Variants in DIAPH3 observed in about 807,000 individuals in gnomAD.
The protein encoded by DIAPH3 is protein diaphanous homolog 3.
A neutral mutation model predicts 144.3 loss-of-function variants in DIAPH3; 117 were observed. That is an observed-to-expected ratio of 0.81 (90% CI 0.70 to 0.95). DIAPH3 has a LOEUF of 0.95. Among genes scored for constraint, DIAPH3 ranks in the 40% least tolerant of loss-of-function variants. The pLI, the probability that DIAPH3 is intolerant of heterozygous loss-of-function variation, is 0.00. For missense variants in DIAPH3, 1,421 were observed against 1,412.7 expected (o/e 1.01, Z -0.09); for synonymous variants, 519 against 488.9 (o/e 1.06, Z -0.81).
chr13:59,808,869 T>C (rs2040321681), intron 25 of DIAPH3, among the ~76,000 whole-genome samples: 1 of 152,132 alleles, frequency 6.6e-6, no homozygotes, highest in Admixed American at 6.5e-5. Context: ...TGCAGAAATG[T>C]TTACAGTGAT....
chr13:59,929,183 C>T (rs1035742319), intron 17 of DIAPH3, among the ~76,000 whole-genome samples: 3 of 152,164 alleles, frequency 2.0e-5, no homozygotes, highest in Non-Finnish European at 4.4e-5. Context: ...GCAAACATTC[C>T]AAAATCTAAA....
intron 27 of DIAPH3, among the ~76,000 whole-genome samples, chr13:59,746,752 A>G (rs2036725203): frequency 6.6e-6 from 1 of 152,216 alleles, no homozygotes; most frequent in Non-Finnish European, 1.5e-5. Context: ...AGTTCATAAA[A>G]GTATTTTTTA....
At chr13:60,044,767 C>T (rs1463741677) in intron 4 of DIAPH3, among the ~76,000 whole-genome samples, 1 of 152,014 alleles carries the variant, frequency 6.6e-6, no homozygotes, top group East Asian at 1.9e-4. Context: ...CACCCAAATC[C>T]ATCTTGAATA....
At chr13:60,005,149 C>T (rs978181755) in intron 9 of DIAPH3, among the ~76,000 whole-genome samples, 3 of 152,152 alleles carry the variant, frequency 2.0e-5, no homozygotes, top group Non-Finnish European at 4.4e-5. Flanking sequence ...AAATGTGGTA[C>T]ACTCATGACA....
rs540324682 is a variant in DIAPH3 at position 60,006,319 on chromosome 13, T to C, written c.1014+2225A>G. Among the ~76,000 whole-genome samples, 73 of 152,308 alleles carry C rather than the reference T, an allele frequency of 4.8e-4. 1 individual carries two copies. Among genetic ancestry groups the C allele is most frequent in the African/African-American group, 1.6e-3 (67 of 41,552 alleles). ...TTTGTCTTTAACAAGCCATTATTTATCTCTTCCCTTACAGTTTAAAACCTC... is the reference window on the plus strand; with the variant it reads ...TTTGTCTTTAACAAGCCATTATTTACCTCTTCCCTTACAGTTTAAAACCTC... On this transcript the variant is annotated intron_variant, in intron 9 of 27. Coordinates refer to ENST00000400324, the MANE Select transcript of DIAPH3 (RefSeq NM_001042517.2).
At chr13:59,682,932 T>C (rs2033019505) in intron 27 of DIAPH3, among the ~76,000 whole-genome samples, 1 of 152,220 alleles carries the variant, frequency 6.6e-6, no homozygotes, top group South Asian at 2.1e-4. Flanking sequence ...TCCCATTCTT[T>C]GTGTTAAAAG....
At chr13:59,716,393 T>C (rs537516988) in intron 27 of DIAPH3, among the ~76,000 whole-genome samples, 2 of 152,310 alleles carry the variant, frequency 1.3e-5, no homozygotes, top group South Asian at 4.1e-4. Flanking sequence ...GCCAGGATGG[T>C]CTCGATCTCC....
intron 27 of DIAPH3, among the ~76,000 whole-genome samples, chr13:59,700,240 G>T (rs1184374396): frequency 6.6e-6 from 1 of 152,012 alleles, no homozygotes; most frequent in Non-Finnish European, 1.5e-5. Context: ...ACACCTAATT[G>T]CCCCCTTCCC....
chr13:60,063,357 A>G (rs929034518), intron 4 of DIAPH3, among the ~76,000 whole-genome samples: 2 of 152,140 alleles, frequency 1.3e-5, no homozygotes, highest in African/African-American at 2.4e-5. Context: ...TTCCTCCACT[A>G]AAGTGTTGAA....
intron 17 of DIAPH3, among the ~76,000 whole-genome samples, chr13:59,940,003 C>T (rs2048449135): frequency 6.6e-6 from 1 of 151,998 alleles, no homozygotes; most frequent in South Asian, 2.1e-4. Context: ...ACTTTCATCC[C>T]CTTGCCAATG....
chr13:59,733,511 T>C (rs905666816), intron 27 of DIAPH3, among the ~76,000 whole-genome samples: 7 of 152,144 alleles, frequency 4.6e-5, no homozygotes, highest in African/African-American at 1.2e-4. Flanking sequence ...AAAAAGTCCT[T>C]ATAAAAGAAA....
Position 59,871,195 on chromosome 13 carries a change from T to TG in DIAPH3, c.2607+8033dup, listed in dbSNP as rs71089518. On this transcript the variant is annotated intron_variant, in intron 21 of 27. Coordinates refer to ENST00000400324, the MANE Select transcript of DIAPH3 (RefSeq NM_001042517.2). ...AGGTTTATTTTTTGTCCATTTTTTT[T>TG]GGGGGGGGGGGTGGCGGGCATTCTA... Among the ~76,000 whole-genome samples the TG allele has an allele frequency of 2.2e-3, 281 of 128,384 alleles. 2 individuals are homozygous for TG. The highest frequency in any genetic ancestry group is 7.9e-3 in the African/African-American group (261 of 32,878). 84.2% of individuals were successfully genotyped at this position (128,384 alleles called of 152,430 possible).
chr13:60,105,125 A>AAAAAAAAAAC (rs2058383698), intron 3 of DIAPH3, among the ~76,000 whole-genome samples: 43 of 148,624 alleles, frequency 2.9e-4, no homozygotes, highest in African/African-American at 1.0e-3. Context: ...AAAAAAAAAA[A>AAAAAAAAAAC]CTGCCAGTGA....
intron 2 of DIAPH3, among the ~76,000 whole-genome samples, chr13:60,130,491 C>T (rs1461139759): frequency 1.3e-5 from 2 of 152,120 alleles, no homozygotes; most frequent in African/African-American, 4.8e-5. Context: ...TCCAGGCAAG[C>T]GGTCAGAAAG....
intron 4 of DIAPH3, among the ~76,000 whole-genome samples, chr13:60,063,220 C>A (rs1161217211): frequency 6.6e-6 from 1 of 152,200 alleles, no homozygotes; most frequent in Non-Finnish European, 1.5e-5. Context: ...AAACCATTTT[C>A]TTTGCCCATC....
intron 17 of DIAPH3, among the ~76,000 whole-genome samples, chr13:59,966,520 G>C (rs2050058507): frequency 6.6e-6 from 1 of 152,086 alleles, no homozygotes; most frequent in South Asian, 2.1e-4. Flanking sequence ...ATCTGATATA[G>C]ATATTAGCTC....
intron 22 of DIAPH3, among the ~76,000 whole-genome samples, chr13:59,853,741 G>A (rs907599084): frequency 6.6e-6 from 1 of 152,122 alleles, no homozygotes; most frequent in African/African-American, 2.4e-5. Flanking sequence ...AACTGGTTTA[G>A]TATTTTCACA....
chr13:59,727,693 T>C (rs529662791), intron 27 of DIAPH3, among the ~76,000 whole-genome samples: 1 of 152,288 alleles, frequency 6.6e-6, no homozygotes, highest in East Asian at 1.9e-4. Flanking sequence ...CTTATTTCTA[T>C]GGTTAGGAAG....
intron 20 of DIAPH3, among the ~76,000 whole-genome samples, chr13:59,901,839 C>G (rs2046451140): frequency 6.6e-6 from 1 of 152,160 alleles, no homozygotes; most frequent in South Asian, 2.1e-4. Context: ...GAAACATACA[C>G]TACTGGAATA....
Sources: gnomAD v4.1 joint callset for allele counts (sites outside exome capture counted in the v4.1 genomes callset) on GRCh38, gnomAD v4.1.1 for gene constraint, MANE v1.5 for transcripts, NCBI Gene and HGNC (gene_info 2026-07-23, HGNC 2026-07-21) for gene names.